Variants in GALNTL6 observed in about 807,000 individuals in gnomAD.
The protein encoded by GALNTL6 is polypeptide N-acetylgalactosaminyltransferase like 6.
In GALNTL6, 46 loss-of-function variants were observed where a neutral mutation model predicts 73.7. The observed-to-expected ratio is 0.62, with a 90% CI of 0.49 to 0.80. The LOEUF is 0.80. GALNTL6 is among the 30% of genes least tolerant of loss of function. The probability of loss-of-function intolerance (pLI) is 0.00; values close to 1 mark genes in which losing one functional copy is unlikely to be tolerated. For synonymous variants in GALNTL6, 259 were observed against 263.7 expected, an observed-to-expected ratio of 0.98 and a Z score of 0.17; for missense variants, 604 against 755.0, an observed-to-expected ratio of 0.80 and a Z score of 2.34.
intron 7 of GALNTL6, among the ~76,000 whole-genome samples, chr4:172,851,052 C>T (rs767524039): frequency 4.6e-5 from 7 of 152,060 alleles, no homozygotes; most frequent in Non-Finnish European, 7.4e-5. Flanking sequence ...ATTTCCAGCC[C>T]CCCTTCCTTC....
chr4:172,635,982 T>G (rs1739657141), intron 5 of GALNTL6, among the ~76,000 whole-genome samples: 2 of 152,118 alleles, frequency 1.3e-5, no homozygotes, highest in African/African-American at 4.8e-5. Flanking sequence ...TGAAATAAAT[T>G]TTCAGTCCAC....
At chr4:172,736,662 C>T (rs560636789) in intron 5 of GALNTL6, among the ~76,000 whole-genome samples, 1 of 152,308 alleles carries the variant, frequency 6.6e-6, no homozygotes, top group African/African-American at 2.4e-5. Flanking sequence ...GATAAATGTC[C>T]ATGAAATCTT....
At chr4:172,131,245 C>T (rs11132928) in intron 2 of GALNTL6, among the ~76,000 whole-genome samples, 1 of 150,684 alleles carries the variant, frequency 6.6e-6, no homozygotes, top group Admixed American at 6.6e-5. Flanking sequence ...AAAACAAATA[C>T]GAAATCTCTT....
chr4:172,211,716 A>G (rs183495201), intron 2 of GALNTL6, among the ~76,000 whole-genome samples: 191 of 152,308 alleles, frequency 1.3e-3, no homozygotes, highest in Non-Finnish European at 2.3e-3. Flanking sequence ...CTCATATTCT[A>G]TGGGACCAGA....
At chr4:172,986,177 T>C (rs574785365) in intron 10 of GALNTL6, among the ~76,000 whole-genome samples, 2 of 152,360 alleles carry the variant, frequency 1.3e-5, no homozygotes, top group East Asian at 3.9e-4. Context: ...CTCACTGTCA[T>C]AATCTTTGCA....
At chr4:172,061,945 CTTT>C (rs11284710) in intron 2 of GALNTL6, among the ~76,000 whole-genome samples, 6 of 114,686 alleles carry the variant, frequency 5.2e-5, no homozygotes, top group African/African-American at 6.7e-5. Context: ...TTTTTATCCA[CTTT>C]TTTTTTTTTT....
chr4:173,003,022 G>T (rs548909100), intron 10 of GALNTL6, among the ~76,000 whole-genome samples: 1 of 152,106 alleles, frequency 6.6e-6, no homozygotes, highest in Admixed American at 6.5e-5. Flanking sequence ...TTGCTGTTTC[G>T]AATTATGAAA....
chr4:172,351,412 C>A (rs1741941391), intron 5 of GALNTL6, among the ~76,000 whole-genome samples: 1 of 152,070 alleles, frequency 6.6e-6, no homozygotes, highest in African/African-American at 2.4e-5. Context: ...AGAATTTAAT[C>A]AATAAGGAGA....
rs1560967569 is a variant in GALNTL6, at chr4:172,809,530, G to A, written c.723G>A (p.Trp241Ter). 1 of 1,612,672 alleles carries A rather than the reference G, an allele frequency of 6.2e-7. No homozygotes were observed. Among genetic ancestry groups the A allele is most frequent in the Non-Finnish European group, 8.5e-7 (1 of 1,179,340 alleles). ...LDSHCEVNVN[W>*]LPPLLNQIAL... ...CCCACTGCGAGGTCAATGTGAACTGGCTGCCCCCACTCCTCAGTGAGTACA... is the reference window on the plus strand; with the variant it reads ...CCCACTGCGAGGTCAATGTGAACTGACTGCCCCCACTCCTCAGTGAGTACA... Residue 241 changes from tryptophan (W) to a stop codon, truncating the protein, a stop_gained, in exon 6 of 13, where the codon TGG becomes TGA. Coordinates refer to ENST00000506823, the MANE Select transcript of GALNTL6 (RefSeq NM_001034845.3). LOFTEE classifies it high-confidence loss of function. The surrounding 1 kb of genome is among the most constrained non-coding windows in gnomAD (Gnocchi z 4.4).
chr4:171,861,285 C>T (rs1294887277), intron 2 of GALNTL6, among the ~76,000 whole-genome samples: 2 of 152,074 alleles, frequency 1.3e-5, no homozygotes, highest in African/African-American at 4.8e-5. Flanking sequence ...TAAAATTATA[C>T]CCATATAATT....
chr4:172,846,392 G>T (rs896975206), intron 7 of GALNTL6, among the ~76,000 whole-genome samples: 1 of 151,946 alleles, frequency 6.6e-6, no homozygotes, highest in Admixed American at 6.6e-5. Flanking sequence ...TTATAAACTG[G>T]CATCAGGAAC....
At chr4:172,219,748 A>G (rs1736613087) in intron 2 of GALNTL6, among the ~76,000 whole-genome samples, 1 of 151,898 alleles carries the variant, frequency 6.6e-6, no homozygotes, top group South Asian at 2.1e-4. Context: ...TTGACATTTT[A>G]TCATTTGGTA....
rs138416932 is a variant in GALNTL6 at position 172,308,643 on chromosome 4, G to C, written c.248-2971G>C. On this transcript the variant is annotated intron_variant, in intron 3 of 12. Coordinates refer to ENST00000506823, the MANE Select transcript of GALNTL6 (RefSeq NM_001034845.3). Reference sequence around the variant, plus strand: ...TGTGGTGTATCACATTTATTGACTTGCACCTGGCATAAAATTTTCTTTTTA... The same window carrying C: ...TGTGGTGTATCACATTTATTGACTTCCACCTGGCATAAAATTTTCTTTTTA... 7.2e-5 allele frequency among the ~76,000 whole-genome samples: 11 copies of C among 152,096 alleles called. No homozygotes were observed. The East Asian group carries it at 2.1e-3, about 29-fold the overall frequency.
In GALNTL6 at chr4:172,929,154, C is replaced by T. The variant is rs148190334; in HGVS notation, c.1042-2007C>T. Among the ~76,000 whole-genome samples, 16 of 152,270 alleles carry T rather than the reference C, an allele frequency of 1.1e-4. 1 individual carries two copies. The East Asian group carries it at 1.9e-3, about 18-fold the overall frequency. On this transcript the variant is annotated intron_variant, in intron 8 of 12. Coordinates refer to ENST00000506823, the MANE Select transcript of GALNTL6 (RefSeq NM_001034845.3). ...ATATTTCTGAAGGCTTGATCCAAATCGTTACTAAATATCCCATCAAGTTGA... is the reference window on the plus strand; with the variant it reads ...ATATTTCTGAAGGCTTGATCCAAATTGTTACTAAATATCCCATCAAGTTGA...
chr4:172,989,033 T>A (rs1751425134), intron 10 of GALNTL6, among the ~76,000 whole-genome samples: 3 of 152,130 alleles, frequency 2.0e-5, no homozygotes, highest in Admixed American at 2.0e-4. Context: ...TCATACAGGG[T>A]CCTCAAACTG....
At chr4:172,631,976 T>C (rs764854078) in intron 5 of GALNTL6, among the ~76,000 whole-genome samples, 4 of 152,242 alleles carry the variant, frequency 2.6e-5, no homozygotes, top group Admixed American at 1.3e-4. Flanking sequence ...ATAAGTCTCA[T>C]GAAACCTGAT....
At chr4:172,658,325 G>T (rs1429048596) in intron 5 of GALNTL6, among the ~76,000 whole-genome samples, 1 of 149,540 alleles carries the variant, frequency 6.7e-6, no homozygotes, top group Non-Finnish European at 1.5e-5. Flanking sequence ...AAATTAGCCG[G>T]GCGTGGTGGC....
chr4:172,340,045 C>T (rs889598731), intron 4 of GALNTL6, among the ~76,000 whole-genome samples: 2 of 152,132 alleles, frequency 1.3e-5, no homozygotes, highest in Non-Finnish European at 2.9e-5. Context: ...ATAGGAGTCT[C>T]AAAATTAAGT....
chr4:172,632,848 G>A (rs1463474835), intron 5 of GALNTL6, among the ~76,000 whole-genome samples: 1 of 152,200 alleles, frequency 6.6e-6, no homozygotes, highest in Non-Finnish European at 1.5e-5. Flanking sequence ...ATGGTGCCCT[G>A]CATCCCAGCT....
Sources: allele counts gnomAD v4.1 joint callset (sites outside exome capture counted in the v4.1 genomes callset), GRCh38; gene constraint gnomAD v4.1.1; non-coding constraint Gnocchi (gnomAD v3.1); transcripts MANE v1.5; gene names NCBI Gene and HGNC (gene_info 2026-07-23, HGNC 2026-07-21).